Variants in CLECL1 observed in about 807,000 individuals in gnomAD.
The protein encoded by CLECL1 is C-type lectin like 1.
the CLECL1 span, among the ~76,000 whole-genome samples, chr12:9,707,155 T>C: frequency 2.6e-5 from 4 of 152,186 alleles, no homozygotes; most frequent in African/African-American, 4.8e-5. Flanking sequence ...ATGTATTTTA[T>C]GTTCATTTGA....
At chr12:9,727,705 T>C (rs889141623) in intron 2 of CLECL1, among the ~76,000 whole-genome samples, 2 of 151,840 alleles carry the variant, frequency 1.3e-5, no homozygotes, top group African/African-American at 4.8e-5. Flanking sequence ...AACATGTTTT[T>C]CTAATTAGAT....
chr12:9,731,247 C>G (rs186580158), intron 1 of CLECL1, among the ~76,000 whole-genome samples: 31 of 152,308 alleles, frequency 2.0e-4, no homozygotes, highest in Non-Finnish European at 4.0e-4. Context: ...TATATACATT[C>G]ATCGTCTAAT....
At chr12:9,714,142 T>A (rs1866217504), downstream of CLECL1, among the ~76,000 whole-genome samples, 1 of 152,202 alleles carries the variant, frequency 6.6e-6, no homozygotes, top group Non-Finnish European at 1.5e-5. Context: ...TAAAACAGCT[T>A]GTAACTGTAT....
intron 3 of CLECL1, among the ~76,000 whole-genome samples, chr12:9,723,992 C>A (rs1351908973): frequency 6.6e-6 from 1 of 151,690 alleles, no homozygotes; most frequent in African/African-American, 2.4e-5. Flanking sequence ...TGAGACCAAT[C>A]TGGCCAACAC....
downstream of CLECL1, chr12:9,718,501 T>C (rs543563672): frequency 3.4e-4 from 91 of 268,442 alleles, 1 homozygote; most frequent in African/African-American, 1.8e-3. Flanking sequence ...ACCCTTGTTA[T>C]GGGCTGTGGG....
At chr12:9,712,271 A>G (rs544744412), downstream of CLECL1, among the ~76,000 whole-genome samples, 30 of 152,224 alleles carry the variant, frequency 2.0e-4, no homozygotes, top group Non-Finnish European at 3.5e-4. Context: ...ATTTAGAATG[A>G]ATTTATAAAA....
intron 3 of CLECL1, among the ~76,000 whole-genome samples, chr12:9,724,115 A>G (rs1866347044): frequency 1.3e-5 from 2 of 150,724 alleles, no homozygotes; most frequent in Admixed American, 1.3e-4. Context: ...TGAGTCTGGG[A>G]GGTAAAGGTT....
chr12:9,709,441 C>T, the CLECL1 span: 2 of 152,378 alleles, frequency 1.3e-5, no homozygotes, highest in African/African-American at 4.8e-5. Context: ...GTCCAGGTCT[C>T]CTTCTCCCTA....
At chr12:9,703,746 A>G in the CLECL1 span, among the ~76,000 whole-genome samples, 1 of 152,072 alleles carries the variant, frequency 6.6e-6, no homozygotes, top group Non-Finnish European at 1.5e-5. Flanking sequence ...ATATATATAT[A>G]TGTATACATA....
downstream of CLECL1, chr12:9,722,393 G>A: frequency 3.8e-6 from 2 of 520,678 alleles, no homozygotes; most frequent in Admixed American, 4.4e-5. Flanking sequence ...AATGAAATCT[G>A]CTAAGAAGCA....
chr12:9,716,765 A>G (rs1164789124), exon 3 of CLECL1: 7 of 1,280,092 alleles, frequency 5.5e-6, no homozygotes, highest in Non-Finnish European at 7.1e-6. Flanking sequence ...TATGTCAAAA[A>G]AGATTGGATT....
the CLECL1 span, among the ~76,000 whole-genome samples, chr12:9,703,847 TCAC>T: frequency 2.6e-5 from 4 of 152,164 alleles, no homozygotes; most frequent in Admixed American, 6.5e-5. Flanking sequence ...TGAGAAATAG[TCAC>T]CTTTTGTCAA....
chr12:9,709,720 A>G, the CLECL1 span, among the ~76,000 whole-genome samples: 1 of 152,192 alleles, frequency 6.6e-6, no homozygotes, highest in East Asian at 1.9e-4. Context: ...ATGACCCTAA[A>G]TGGCATCCCA....
chr12:9,724,782 A>G (rs972531049), intron 3 of CLECL1, among the ~76,000 whole-genome samples: 10 of 152,150 alleles, frequency 6.6e-5, no homozygotes, highest in African/African-American at 2.4e-4. Flanking sequence ...TTGAAGATAC[A>G]ATAATTGAAA....
the CLECL1 span, among the ~76,000 whole-genome samples, chr12:9,706,715 G>A: frequency 5.3e-5 from 8 of 152,188 alleles, no homozygotes; most frequent in Non-Finnish European, 8.8e-5. Flanking sequence ...CGACTTGATC[G>A]TGGTGAATAA....
At chr12:9,708,298 G>GT in the CLECL1 span, among the ~76,000 whole-genome samples, 4 of 152,122 alleles carry the variant, frequency 2.6e-5, no homozygotes, top group Admixed American at 2.6e-4. Flanking sequence ...CTATTTTTCT[G>GT]TTTTTTAAGT....
At chr12:9,708,843 G>A in the CLECL1 span, 1 of 219,568 alleles carries the variant, frequency 4.6e-6, no homozygotes, top group Non-Finnish European at 8.9e-6. Flanking sequence ...AGAAGAGAAT[G>A]ATGGACACCT....
downstream of CLECL1, among the ~76,000 whole-genome samples, chr12:9,712,503 T>C (rs1866207295): frequency 6.6e-6 from 1 of 152,208 alleles, no homozygotes; most frequent in African/African-American, 2.4e-5. Context: ...AATGAAATCT[T>C]TTTATTTCTT....
At chr12:9,718,107 G>A (rs996903592), downstream of CLECL1, among the ~76,000 whole-genome samples, 1 of 151,654 alleles carries the variant, frequency 6.6e-6, no homozygotes, top group South Asian at 2.1e-4. Flanking sequence ...TAAATATTTA[G>A]GCATTTTCCA....
Sources: gnomAD v4.1 joint callset for allele counts (sites outside exome capture counted in the v4.1 genomes callset) on GRCh38, gnomAD v4.1.1 for gene constraint, MANE v1.5 for transcripts, NCBI Gene and HGNC (gene_info 2026-07-23, HGNC 2026-07-21) for gene names.